DMD: variants seen among roughly 807,000 people sequenced by gnomAD.
DMD encodes dystrophin.
Under a neutral mutation model 330.1 loss-of-function variants are expected in DMD, and 63 were observed. That is an observed-to-expected ratio of 0.19 (90% CI 0.16 to 0.24). DMD has a LOEUF of 0.24. Ranked by LOEUF, DMD falls within the 10% of genes least tolerant of loss-of-function variation. The probability of loss-of-function intolerance (pLI) is 1.00; values close to 1 mark genes in which losing one functional copy is unlikely to be tolerated. For missense variants in DMD, 3,344 were observed against 2,684.1 expected, an observed-to-expected ratio of 1.25 and a Z score of -5.43; for synonymous variants, 1,223 against 959.8, an observed-to-expected ratio of 1.27 and a Z score of -5.07.
At chrX:31,945,288 G>T (rs1488987909) in intron 45 of DMD, among the ~76,000 whole-genome samples, 1 of 112,318 alleles carries the variant, frequency 8.9e-6, no homozygotes. Flanking sequence ...TTAACAAAAT[G>T]TTGACAGGCT....
At chrX:31,787,508 C>T (rs1401739365) in intron 50 of DMD, among the ~76,000 whole-genome samples, 2 of 112,093 alleles carry the variant, frequency 1.8e-5, no homozygotes, top group African/African-American at 6.5e-5. Context: ...AGTAGTTTTA[C>T]ACTCCTTGGG....
intron 7 of DMD, among the ~76,000 whole-genome samples, chrX:32,759,675 T>C (rs2071976230): frequency 8.9e-6 from 1 of 112,120 alleles, no homozygotes; most frequent in Non-Finnish European, 1.9e-5. Context: ...TTATTTTATA[T>C]ATTTTTGGTT....
At chrX:32,731,079 T>C (rs1027490668) in intron 7 of DMD, among the ~76,000 whole-genome samples, 1 of 111,157 alleles carries the variant, frequency 9.0e-6, no homozygotes, top group African/African-American at 3.3e-5. Context: ...CGAAGCAGGG[T>C]GAGGCATTGC....
chrX:31,216,470 C>T (rs1434816470), intron 64 of DMD, among the ~76,000 whole-genome samples: 1 of 112,415 alleles, frequency 8.9e-6, no homozygotes, highest in Non-Finnish European at 1.9e-5. Flanking sequence ...GCCATGTCCT[C>T]AAGACGTCTT....
intron 11 of DMD, among the ~76,000 whole-genome samples, chrX:32,628,195 T>C (rs1225095685): frequency 1.0e-5 from 1 of 99,906 alleles, no homozygotes; most frequent in African/African-American, 3.6e-5. Context: ...CCCGACCCAC[T>C]AGCATTCCCA....
chrX:32,829,798 G>C (rs780173133), intron 4 of DMD, among the ~76,000 whole-genome samples: 2 of 111,406 alleles, frequency 1.8e-5, no homozygotes, highest in Middle Eastern at 4.7e-3. Flanking sequence ...ATTTTACCAA[G>C]AGGGAAACAG....
At chrX:32,878,455 T>A (rs1417107943) in intron 2 of DMD, among the ~76,000 whole-genome samples, 1 of 111,820 alleles carries the variant, frequency 8.9e-6, no homozygotes, top group Non-Finnish European at 1.9e-5. Context: ...AACCTGTAGC[T>A]CTATGGAGGT....
chrX:33,302,574 T>G (rs1048667933), intron 1 of DMD, among the ~76,000 whole-genome samples: 1 of 111,995 alleles, frequency 8.9e-6, no homozygotes, highest in Admixed American at 9.6e-5. Context: ...CATTTTTCTA[T>G]AGTGGTATTA....
intron 7 of DMD, among the ~76,000 whole-genome samples, chrX:32,798,686 CA>C (rs1041986064): frequency 9.0e-6 from 1 of 111,467 alleles, no homozygotes; most frequent in African/African-American, 3.3e-5. Flanking sequence ...GAAATATTTA[CA>C]GTAAGGATTT....
chrX:31,582,206 G>A (rs1037727410), intron 55 of DMD, among the ~76,000 whole-genome samples: 1 of 112,048 alleles, frequency 8.9e-6, no homozygotes, highest in Non-Finnish European at 1.9e-5. Flanking sequence ...CTATGGACCA[G>A]AGGTCTAGTC....
chrX:32,728,626 T>C (rs1178203713), intron 7 of DMD, among the ~76,000 whole-genome samples: 1 of 112,340 alleles, frequency 8.9e-6, no homozygotes, highest in Non-Finnish European at 1.9e-5. Flanking sequence ...CATTTCACCT[T>C]GGCCTATGAG....
intron 44 of DMD, among the ~76,000 whole-genome samples, chrX:32,008,107 G>A (rs1219520360): frequency 1.8e-5 from 2 of 111,051 alleles, no homozygotes; most frequent in African/African-American, 6.6e-5. Context: ...AGTGGGCTCC[G>A]GTGTGACTAT....
intron 44 of DMD, among the ~76,000 whole-genome samples, chrX:32,171,157 T>C (rs924853311): frequency 1.8e-5 from 2 of 111,780 alleles, no homozygotes; most frequent in Non-Finnish European, 3.8e-5. Flanking sequence ...ATACATATTT[T>C]ATTTTGTCCA....
chrX:31,131,975 CTT>C (rs1337155817), intron 77 of DMD, among the ~76,000 whole-genome samples: 1 of 111,700 alleles, frequency 9.0e-6, no homozygotes, highest in African/African-American at 3.3e-5. Flanking sequence ...TAGCTACTCT[CTT>C]GTGTTTTTTG....
At chrX:33,318,749 C>T (rs1023916184) in intron 1 of DMD, among the ~76,000 whole-genome samples, 2 of 110,441 alleles carry the variant, frequency 1.8e-5, no homozygotes, top group African/African-American at 6.6e-5. Flanking sequence ...GCCTGGCCTA[C>T]TTCCTCAGTC....
At chrX:32,857,546 T>G (rs921181840) in intron 2 of DMD, among the ~76,000 whole-genome samples, 1 of 112,356 alleles carries the variant, frequency 8.9e-6, no homozygotes, top group South Asian at 3.7e-4. Context: ...AATAATCTTA[T>G]GCACTGCAAT....
intron 9 of DMD, among the ~76,000 whole-genome samples, chrX:32,685,939 T>G (rs1226960554): frequency 8.9e-6 from 1 of 112,039 alleles, no homozygotes; most frequent in Non-Finnish European, 1.9e-5. Context: ...CTCTAATTAT[T>G]ACTAAATAAG....
At chrX:31,999,549 A>T (rs746736619) in intron 44 of DMD, among the ~76,000 whole-genome samples, 1 of 111,993 alleles carries the variant, frequency 8.9e-6, no homozygotes, top group Admixed American at 9.5e-5. Flanking sequence ...AATTTCTTAC[A>T]TATCTTATAA....
chrX:32,312,963 A>T (rs1462525663), intron 41 of DMD, among the ~76,000 whole-genome samples: 4 of 97,090 alleles, frequency 4.1e-5, no homozygotes, highest in African/African-American at 1.4e-4. Flanking sequence ...AAAAAAAAAA[A>T]AGCCCAGGAC....
Sources: gnomAD v4.1 joint callset for allele counts (sites outside exome capture counted in the v4.1 genomes callset) on GRCh38, gnomAD v4.1.1 for gene constraint, MANE v1.5 for transcripts, NCBI Gene and HGNC (gene_info 2026-07-23, HGNC 2026-07-21) for gene names.